The following SPATA16 variants were observed in gnomAD, a reference collection of about 807,000 sequenced individuals.
SPATA16 encodes spermatogenesis-associated protein 16.
A neutral mutation model predicts 63.3 loss-of-function variants in SPATA16; 36 were observed. The observed-to-expected ratio is 0.57, with a 90% CI of 0.44 to 0.75. The LOEUF is 0.75. Ranked by LOEUF, SPATA16 falls within the 30% of genes least tolerant of loss-of-function variation. The pLI, the probability that SPATA16 is intolerant of heterozygous loss-of-function variation, is 0.00. For synonymous variants in SPATA16, 203 were observed against 216.7 expected, an observed-to-expected ratio of 0.94 and a Z score of 0.56; for missense variants, 646 against 679.3, an observed-to-expected ratio of 0.95 and a Z score of 0.54.
chr3:173,079,852 G>GTTT (rs11463186), intron 2 of SPATA16, among the ~76,000 whole-genome samples: 3 of 149,032 alleles, frequency 2.0e-5, no homozygotes, highest in African/African-American at 7.4e-5. Context: ...CTCTTCTACT[G>GTTT]TTTTTTTTTT....
intron 2 of SPATA16, among the ~76,000 whole-genome samples, chr3:173,108,099 C>A (rs1286290477): frequency 6.6e-6 from 1 of 152,036 alleles, no homozygotes; most frequent in Non-Finnish European, 1.5e-5. Flanking sequence ...GGAAATAATC[C>A]CACTGATGAA....
chr3:172,921,172 G>C (rs1483446812), intron 8 of SPATA16, among the ~76,000 whole-genome samples: 1 of 151,478 alleles, frequency 6.6e-6, no homozygotes, highest in Non-Finnish European at 1.5e-5. Flanking sequence ...TAAGTGCTGG[G>C]ATTACAGGCA....
At chr3:172,946,149 G>T (rs192785556) in intron 6 of SPATA16, among the ~76,000 whole-genome samples, 2 of 152,312 alleles carry the variant, frequency 1.3e-5, no homozygotes, top group East Asian at 3.9e-4. Context: ...CCCAGTCCTA[G>T]CAGGGTTCAT....
chr3:172,893,856 T>C (rs1347477614), intron 10 of SPATA16, among the ~76,000 whole-genome samples: 1 of 151,996 alleles, frequency 6.6e-6, no homozygotes, highest in African/African-American at 2.4e-5. Flanking sequence ...TTAAATTTCA[T>C]GTAGTCTGAA....
rs1164101838 is a variant in SPATA16, at chr3:173,117,649, C to A, written c.83G>T (p.Ser28Ile). The change falls in exon 2 of 11, where the codon AGC becomes ATC. Residue 28 changes from serine (S) to isoleucine (I), a missense_variant. Coordinates refer to ENST00000351008, the MANE Select transcript of SPATA16 (RefSeq NM_031955.6). ...GTGCGCTAAGGTGGACATTTTCTTG[C>A]TTGTGTTTATCTTTGGAACAAGCTG... ...HDQLVPKINT[S>I]KKMSTLAHPP... 10 of 1,613,998 alleles carry A rather than the reference C, an allele frequency of 6.2e-6. 1 individual carries two copies. In the South Asian group the frequency reaches 1.1e-4, roughly 18 times the overall value.
rs57268955 is a variant in SPATA16, at chr3:172,960,875, C to CTCTTTCTTTCTT, written c.934-4052_934-4051insAAGAAAGAAAGA. Among the ~76,000 whole-genome samples the CTCTTTCTTTCTT allele has an allele frequency of 1.1e-3, 161 of 142,278 alleles. 2 individuals carry two copies. Among genetic ancestry groups the CTCTTTCTTTCTT allele is most frequent in the African/African-American group, 4.0e-3 (149 of 37,060 alleles). The allele number at this position is 142,278 out of a possible 152,430, so 93.3% of individuals were successfully genotyped here. On this transcript the variant is annotated intron_variant, in intron 5 of 10. Transcript: ENST00000351008. ...GAATTATGTAACTTACTTTCTTTCT[C>CTCTTTCTTTCTT]TCTTTCTTTCTCTCTCTCCTTCCTT...
chr3:173,058,580 GT>G (rs1194192783), intron 2 of SPATA16, among the ~76,000 whole-genome samples: 6 of 152,034 alleles, frequency 3.9e-5, no homozygotes, highest in African/African-American at 1.4e-4. Flanking sequence ...TATTAGCAAT[GT>G]TTTACTGTAT....
At chr3:172,976,188 CTCA>C (rs1245580740) in intron 5 of SPATA16, among the ~76,000 whole-genome samples, 2 of 152,018 alleles carry the variant, frequency 1.3e-5, no homozygotes, top group South Asian at 2.1e-4. Context: ...TTCATGTGGA[CTCA>C]TCAGAAACAA....
rs1027161250 is a variant in SPATA16, at chr3:173,132,276, G to A, written c.-19+8827C>T. Among the ~76,000 whole-genome samples the A allele has an allele frequency of 2.6e-5, 4 of 152,034 alleles. 1 individual carries two copies. The highest frequency in any genetic ancestry group is 2.9e-5 in the Non-Finnish European group (2 of 67,988). ...AATAGAATATATCTAAATTTAAGCA[G>A]AGAAGTAAAATAATGAAAAATATTA... On this transcript the variant is annotated intron_variant, in intron 1 of 10. Coordinates refer to ENST00000351008, the MANE Select transcript of SPATA16 (RefSeq NM_031955.6).
chr3:172,952,654 A>ACTCTTTT (rs1733465505), intron 6 of SPATA16, among the ~76,000 whole-genome samples: 1 of 152,156 alleles, frequency 6.6e-6, no homozygotes, highest in Non-Finnish European at 1.5e-5. Context: ...AAAAGAAAAG[A>ACTCTTTT]GTTTGGGCCG....
intron 2 of SPATA16, among the ~76,000 whole-genome samples, chr3:173,066,351 C>T (rs1736520705): frequency 6.6e-6 from 1 of 152,158 alleles, no homozygotes; most frequent in South Asian, 2.1e-4. Flanking sequence ...GGGTGAGCCC[C>T]AGTATTGTTC....
intron 2 of SPATA16, among the ~76,000 whole-genome samples, chr3:173,107,675 T>G (rs969456663): frequency 6.6e-6 from 1 of 152,184 alleles, no homozygotes; most frequent in African/African-American, 2.4e-5. Flanking sequence ...CTGCATTACA[T>G]TTTTGTGAAC....
intron 4 of SPATA16, among the ~76,000 whole-genome samples, chr3:173,018,467 G>T (rs1251923527): frequency 1.3e-5 from 2 of 151,816 alleles, no homozygotes; most frequent in African/African-American, 2.4e-5. Flanking sequence ...GTAGAGACAG[G>T]GTTTCTTCAT....
At chr3:172,981,522 A>G (rs1470560949) in intron 4 of SPATA16, among the ~76,000 whole-genome samples, 2 of 152,128 alleles carry the variant, frequency 1.3e-5, no homozygotes, top group South Asian at 2.1e-4. Context: ...AAGAATGGCC[A>G]TACTGTTGCT....
At chr3:172,916,562 G>A (rs903177606) in intron 8 of SPATA16, 81 bp from the exon 9 acceptor site, 2 of 1,425,498 alleles carry the variant, frequency 1.4e-6, no homozygotes, top group Non-Finnish European at 2.0e-6. Flanking sequence ...CAGGGCTTGT[G>A]ATAACGTATT....
chr3:173,111,255 C>G (rs1737742870), intron 2 of SPATA16, among the ~76,000 whole-genome samples: 1 of 151,988 alleles, frequency 6.6e-6, no homozygotes, highest in Non-Finnish European at 1.5e-5. Flanking sequence ...ACTAAAAATA[C>G]AAAAATTAGC....
chr3:173,131,121 C>T (rs892814277), intron 1 of SPATA16, among the ~76,000 whole-genome samples: 1 of 151,844 alleles, frequency 6.6e-6, no homozygotes, highest in Non-Finnish European at 1.5e-5. Flanking sequence ...TTGATCTCAG[C>T]CAAAGAAAAC....
At chr3:173,018,031 T>C (rs1735232578) in intron 4 of SPATA16, among the ~76,000 whole-genome samples, 3 of 152,196 alleles carry the variant, frequency 2.0e-5, no homozygotes, top group South Asian at 2.1e-4. Flanking sequence ...GTACCTTAGA[T>C]AAAACACATT....
At chr3:173,128,458 C>T (rs1296254465) in intron 1 of SPATA16, among the ~76,000 whole-genome samples, 3 of 152,136 alleles carry the variant, frequency 2.0e-5, no homozygotes. Context: ...CTTTAGTATG[C>T]ATCAGAATCC....
Sources: gnomAD v4.1 joint callset for allele counts (sites outside exome capture counted in the v4.1 genomes callset) on GRCh38, gnomAD v4.1.1 for gene constraint, MANE v1.5 for transcripts, NCBI Gene and HGNC (gene_info 2026-07-23, HGNC 2026-07-21) for gene names.